Variants in ZNF682 observed in about 807,000 individuals in gnomAD.
ZNF682 encodes the protein zinc finger protein 682.
ZNF682 carries 29 observed loss-of-function variants against 36.5 expected under a neutral mutation model. The observed-to-expected ratio is 0.80, with a 90% confidence interval of 0.59 to 1.08. ZNF682 has a LOEUF of 1.08. ZNF682 is among the 50% of genes least tolerant of loss of function. The probability of loss-of-function intolerance (pLI) is 0.00; values close to 1 mark genes in which losing one functional copy is unlikely to be tolerated. For missense variants in ZNF682, 561 were observed against 579.7 expected, an observed-to-expected ratio of 0.97 and a Z score of 0.33; for synonymous variants, 180 against 197.0, an observed-to-expected ratio of 0.91 and a Z score of 0.72.
downstream of ZNF682, among the ~76,000 whole-genome samples, chr19:20,003,109 T>C (rs2122288724): frequency 7.6e-6 from 1 of 132,058 alleles, no homozygotes; most frequent in South Asian, 2.7e-4. Flanking sequence ...GAGAATGGCG[T>C]GCACCCGGGA....
chr19:20,024,193 G>A, intron 2 of ZNF682, 57 bp downstream of exon 2: 1 of 1,595,948 alleles, frequency 6.3e-7, no homozygotes, highest in Non-Finnish European at 8.6e-7. Flanking sequence ...ATTCTACAGA[G>A]GAAGAAAATA....
At chr19:20,026,425 G>A (rs2088432141) in intron 1 of ZNF682, among the ~76,000 whole-genome samples, 1 of 151,512 alleles carries the variant, frequency 6.6e-6, no homozygotes, top group African/African-American at 2.4e-5. Flanking sequence ...GAGATCTTAG[G>A]TATCTACACC....
downstream of ZNF682, among the ~76,000 whole-genome samples, chr19:20,003,399 T>C (rs2122289678): frequency 6.6e-6 from 1 of 151,880 alleles, no homozygotes; most frequent in South Asian, 2.1e-4. Context: ...AAGAATACTT[T>C]ATAAACTTTG....
At chr19:20,031,770 A>G (rs2088481845) in intron 1 of ZNF682, among the ~76,000 whole-genome samples, 1 of 152,068 alleles carries the variant, frequency 6.6e-6, no homozygotes, top group South Asian at 2.1e-4. Flanking sequence ...GTGAAACCCC[A>G]TCTCTACTAA....
intron 1 of ZNF682, among the ~76,000 whole-genome samples, chr19:20,038,417 T>C (rs148323220): frequency 2.0e-5 from 3 of 152,264 alleles, no homozygotes; most frequent in African/African-American, 7.2e-5. Flanking sequence ...GAAGTTGGTG[T>C]TGAAGAATGT....
At chr19:20,019,749 G>C (rs1212885715) in intron 3 of ZNF682, among the ~76,000 whole-genome samples, 1 of 152,114 alleles carries the variant, frequency 6.6e-6, no homozygotes, top group African/African-American at 2.4e-5. Context: ...TCATCAGGCA[G>C]GTGCAAACCA....
intron 3 of ZNF682, among the ~76,000 whole-genome samples, chr19:20,019,254 G>T (rs555053832): frequency 2.6e-5 from 4 of 152,182 alleles, no homozygotes; most frequent in African/African-American, 7.2e-5. Context: ...CCAAAAAAAA[G>T]TGTTACGGAT....
downstream of ZNF682, among the ~76,000 whole-genome samples, chr19:20,003,071 G>T (rs1013176821): frequency 1.9e-4 from 28 of 150,620 alleles, no homozygotes; most frequent in African/African-American, 6.3e-4. Context: ...GGCGCCTGTA[G>T]TCCCAGCTAC....
chr19:20,037,733 G>A (rs898179999), intron 1 of ZNF682, among the ~76,000 whole-genome samples: 1 of 152,040 alleles, frequency 6.6e-6, no homozygotes. Flanking sequence ...CCTTGTCCTT[G>A]GGGATATTTT....
Position 20,022,988 on chromosome 19 carries a change from C to CA in ZNF682, c.226+15dup, listed in dbSNP as rs753430667. The CA allele has an allele frequency of 6.2e-7, 1 of 1,609,632 alleles. No homozygotes were observed. Among genetic ancestry groups the CA allele is most frequent in the South Asian group, 1.1e-5 (1 of 90,692 alleles). On this transcript the variant is annotated intron_variant, in intron 3 of 3. Coordinates refer to ENST00000397165, the MANE Select transcript of ZNF682 (RefSeq NM_033196.3). ...GAGCTTTCACCTGTGGCATGTGTTT[C>CA]ATTCATCCAACCTACCTGGGGGTTT...
chr19:20,001,351 C>T (rs2088167243), downstream of ZNF682, among the ~76,000 whole-genome samples: 2 of 152,174 alleles, frequency 1.3e-5, no homozygotes, highest in Non-Finnish European at 2.9e-5. Flanking sequence ...TGTGCTGTAC[C>T]AAAAAAGGGG....
chr19:19,996,407 C>A (rs998846781), downstream of ZNF682, among the ~76,000 whole-genome samples: 16 of 152,046 alleles, frequency 1.1e-4, no homozygotes, highest in African/African-American at 3.4e-4. Context: ...GCACTATTTG[C>A]AATTGCAAAA....
At chr19:20,039,099 C>T (rs1025859848) in intron 1 of ZNF682, 8 of 1,380,048 alleles carry the variant, frequency 5.8e-6, no homozygotes, top group Non-Finnish European at 2.8e-6. Flanking sequence ...CGCGGCTCTT[C>T]CCAGGGTGGG....
At position 20,004,496 on chromosome 19, in the gene ZNF682, A is replaced by C. The variant is rs890268444; in HGVS notation, c.*1509T>G. 1 of 152,232 alleles carries C rather than the reference A, an allele frequency of 6.6e-6. No individual in the cohort carries two copies. Among genetic ancestry groups the C allele is most frequent in the Non-Finnish European group, 1.5e-5 (1 of 68,036 alleles). 9.4% of individuals were successfully genotyped at this position (152,232 alleles called of 1,614,324 possible). A position where few individuals can be genotyped will look rare whatever the true frequency, so the allele number is the denominator to read the frequency against. On this transcript the variant is annotated 3_prime_UTR_variant, in exon 4 of 4. Transcript: ENST00000397165. Reference sequence around the variant, plus strand: ...AAAGCATTACAAAATCCACTATACTATCTAATGTGCAATTGGTAAAACAAT... The same window carrying C: ...AAAGCATTACAAAATCCACTATACTCTCTAATGTGCAATTGGTAAAACAAT...
intron 1 of ZNF682, among the ~76,000 whole-genome samples, chr19:20,031,418 G>C (rs2088478554): frequency 6.6e-6 from 1 of 152,206 alleles, no homozygotes; most frequent in Non-Finnish European, 1.5e-5. Context: ...ACACTTTGAA[G>C]GGTGGGGCTC....
downstream of ZNF682, among the ~76,000 whole-genome samples, chr19:20,002,249 A>AT (rs10610980): frequency 4.7e-5 from 6 of 127,372 alleles, no homozygotes; most frequent in African/African-American, 1.2e-4. Context: ...CCCCTGGCTA[A>AT]TTTTTTTTTT....
chr19:20,033,016 A>G (rs2088493216), intron 1 of ZNF682, among the ~76,000 whole-genome samples: 1 of 152,184 alleles, frequency 6.6e-6, no homozygotes, highest in South Asian at 2.1e-4. Context: ...CTGTAATCCC[A>G]GCACTTTGGG....
chr19:20,013,646 T>C (rs779678645), intron 3 of ZNF682, among the ~76,000 whole-genome samples: 4 of 152,222 alleles, frequency 2.6e-5, no homozygotes, highest in African/African-American at 4.8e-5. Flanking sequence ...AGTGGCGCGA[T>C]CTGGGCTCAC....
downstream of ZNF682, among the ~76,000 whole-genome samples, chr19:20,001,788 T>G (rs547928842): frequency 6.6e-6 from 1 of 152,364 alleles, no homozygotes; most frequent in East Asian, 1.9e-4. Context: ...CTGTCTTTAC[T>G]ACCTCTTCTT....
Sources: allele counts gnomAD v4.1 joint callset (sites outside exome capture counted in the v4.1 genomes callset), GRCh38; gene constraint gnomAD v4.1.1; transcripts MANE v1.5; gene names NCBI Gene and HGNC (gene_info 2026-07-23, HGNC 2026-07-21).